Variants in DDX10 observed in about 807,000 individuals in gnomAD.
DDX10 encodes the protein DEAD-box helicase 10, also known as probable ATP-dependent RNA helicase DDX10.
Under a neutral mutation model 104.3 loss-of-function variants are expected in DDX10, and 74 were observed. The observed-to-expected ratio is 0.71, with a 90% confidence interval of 0.59 to 0.86. The LOEUF is 0.86. Ranked by LOEUF, DDX10 falls within the 40% of genes least tolerant of loss-of-function variation. The probability of loss-of-function intolerance (pLI) is 0.00; values close to 1 mark genes in which losing one functional copy is unlikely to be tolerated. For synonymous variants in DDX10, 351 were observed against 353.4 expected (o/e 0.99, Z 0.08); for missense variants, 952 against 1,040.0 (o/e 0.92, Z 1.16).
At chr11:108,921,557 G>GAGTA (rs1565319639) in intron 17 of DDX10, 3 of 152,192 alleles carry the variant, frequency 2.0e-5, no homozygotes, top group Non-Finnish European at 4.4e-5. Context: ...TAGTACTCCA[G>GAGTA]CCTCTTGGAC....
rs1025481792 is a variant in DDX10, at chr11:108,796,508, C to T, written c.1966-41938C>T. 2.0e-5 allele frequency among the ~76,000 whole-genome samples: 3 copies of T among 152,124 alleles called. No individual in the cohort carries two copies. The East Asian group carries it at 5.8e-4, about 29-fold the overall frequency. ...TCTTATGTCTATCACAAATAGAATT[C>T]GATAGCTAAAATGACATAGAAAGAT... On this transcript the variant is annotated intron_variant, in intron 13 of 17. Transcript: ENST00000322536.
chr11:108,675,758 G>A, intron 3 of DDX10, 32 bp downstream of exon 3: 1 of 1,608,788 alleles, frequency 6.2e-7, no homozygotes, highest in Non-Finnish European at 8.5e-7. Flanking sequence ...CAGACTGTCT[G>A]TTATACAATT....
chr11:108,930,810 C>T (rs930724238), intron 17 of DDX10, among the ~76,000 whole-genome samples: 1 of 152,124 alleles, frequency 6.6e-6, no homozygotes, highest in Non-Finnish European at 1.5e-5. Context: ...TACTATTCTG[C>T]CAAACATGAA....
intron 13 of DDX10, among the ~76,000 whole-genome samples, chr11:108,736,850 A>G (rs1308446742): frequency 6.6e-6 from 1 of 152,204 alleles, no homozygotes; most frequent in African/African-American, 2.4e-5. Flanking sequence ...ATTTTGTTAT[A>G]GCAGCACAAA....
At chr11:108,872,473 C>T (rs1332693931) in intron 16 of DDX10, among the ~76,000 whole-genome samples, 4 of 152,062 alleles carry the variant, frequency 2.6e-5, no homozygotes, top group Non-Finnish European at 5.9e-5. Flanking sequence ...TGGAAGGATG[C>T]GGGTGTAGTT....
chr11:108,863,502 T>C (rs1260208396), intron 16 of DDX10, among the ~76,000 whole-genome samples: 2 of 152,238 alleles, frequency 1.3e-5, no homozygotes, highest in Non-Finnish European at 2.9e-5. Context: ...TTTCATAAAA[T>C]TATCTCATTT....
intron 3 of DDX10, 109 bp downstream of exon 3, chr11:108,675,835 AT>A: frequency 7.3e-7 from 1 of 1,368,164 alleles, no homozygotes; most frequent in Non-Finnish European, 1.0e-6. Context: ...TTCATGATAG[AT>A]TGGCTAGAAT....
chr11:108,783,847 A>G lies in DDX10; in HGVS notation c.1966-54599A>G, dbSNP rs144503835. Among the ~76,000 whole-genome samples the G allele has an allele frequency of 1.0e-3, 155 of 152,116 alleles. 2 individuals are homozygous for G. In the East Asian group the frequency reaches 0.024, roughly 24 times the overall value. On this transcript the variant is annotated intron_variant, in intron 13 of 17. Coordinates refer to ENST00000322536, the MANE Select transcript of DDX10 (RefSeq NM_004398.4). ...CCGCATTTAGTAGTCCCCAGTGTCT[A>G]TTGTTCTCATCGTTATGTCTGTGTG...
intron 13 of DDX10, among the ~76,000 whole-genome samples, chr11:108,739,145 T>C (rs1413170250): frequency 6.6e-6 from 1 of 152,202 alleles, no homozygotes; most frequent in Non-Finnish European, 1.5e-5. Flanking sequence ...GACAAGTTGC[T>C]GACACAAGAT....
intron 13 of DDX10, among the ~76,000 whole-genome samples, chr11:108,734,101 T>G (rs1209266690): frequency 6.6e-6 from 1 of 152,146 alleles, no homozygotes; most frequent in Non-Finnish European, 1.5e-5. Flanking sequence ...TTTGCTAGTA[T>G]TTTTTTCTTT....
chr11:108,772,602 C>A (rs932699108), intron 13 of DDX10, among the ~76,000 whole-genome samples: 1 of 152,210 alleles, frequency 6.6e-6, no homozygotes, highest in Non-Finnish European at 1.5e-5. Flanking sequence ...AAAATAAATG[C>A]CGTCGAAAGG....
chr11:108,904,523 A>T (rs556192849), intron 16 of DDX10, among the ~76,000 whole-genome samples: 1 of 152,314 alleles, frequency 6.6e-6, no homozygotes, highest in South Asian at 2.1e-4. Context: ...TTTTTCACCA[A>T]AGATGAGCCA....
chr11:108,769,217 A>T (rs972441973), intron 13 of DDX10, among the ~76,000 whole-genome samples: 1 of 151,484 alleles, frequency 6.6e-6, no homozygotes, highest in African/African-American at 2.4e-5. Context: ...TCACGACTTC[A>T]ACTTGATATG....
intron 13 of DDX10, among the ~76,000 whole-genome samples, chr11:108,790,397 G>A (rs1014544094): frequency 5.3e-5 from 8 of 152,272 alleles, no homozygotes; most frequent in Non-Finnish European, 7.4e-5. Context: ...GTCATTTTAT[G>A]TGCAGATAAA....
At chr11:108,868,717 G>A (rs960327858) in intron 16 of DDX10, among the ~76,000 whole-genome samples, 1 of 151,998 alleles carries the variant, frequency 6.6e-6, no homozygotes, top group African/African-American at 2.4e-5. Flanking sequence ...TCTCTGATAT[G>A]GGCAACAAAA....
At chr11:108,666,795 C>G (rs556669092) in intron 1 of DDX10, among the ~76,000 whole-genome samples, 1 of 152,314 alleles carries the variant, frequency 6.6e-6, no homozygotes, top group Admixed American at 6.5e-5. Context: ...TCACCCCATC[C>G]CAAGATCTTT....
At chr11:108,763,038 G>A (rs1310575741) in intron 13 of DDX10, among the ~76,000 whole-genome samples, 3 of 152,118 alleles carry the variant, frequency 2.0e-5, no homozygotes, top group Admixed American at 1.3e-4. Flanking sequence ...CTCTTCTCTT[G>A]TAACTTGTTG....
chr11:108,694,647 G>A (rs2094257196), intron 9 of DDX10, among the ~76,000 whole-genome samples: 2 of 152,156 alleles, frequency 1.3e-5, no homozygotes, highest in Admixed American at 1.3e-4. Context: ...TTGGGAGGCC[G>A]AGGTGGGCGG....
At chr11:108,826,932 A>G (rs777703543) in intron 13 of DDX10, among the ~76,000 whole-genome samples, 2 of 152,262 alleles carry the variant, frequency 1.3e-5, no homozygotes, top group Non-Finnish European at 2.9e-5. Flanking sequence ...TCTTAAATTA[A>G]TAGAAATTCG....
Sources: gnomAD v4.1 joint callset for allele counts (sites outside exome capture counted in the v4.1 genomes callset) on GRCh38, gnomAD v4.1.1 for gene constraint, MANE v1.5 for transcripts, NCBI Gene and HGNC (gene_info 2026-07-23, HGNC 2026-07-21) for gene names.